The following EFEMP2 variants were observed in gnomAD, a reference collection of about 807,000 sequenced individuals.
EFEMP2 encodes the protein EGF-like fibulin extracellular matrix protein 2, also known as EGF-containing fibulin-like extracellular matrix protein 2.
A neutral mutation model predicts 55.3 loss-of-function variants in EFEMP2; 21 were observed. That is an observed-to-expected ratio of 0.38 (90% CI 0.27 to 0.55). EFEMP2 has a LOEUF of 0.55. Among genes scored for constraint, EFEMP2 ranks in the 20% least tolerant of loss-of-function variants. The probability of loss-of-function intolerance (pLI) is 0.77; values close to 1 mark genes in which losing one functional copy is unlikely to be tolerated. For missense variants in EFEMP2, 513 were observed against 615.1 expected, an observed-to-expected ratio of 0.83 and a Z score of 1.76; for synonymous variants, 275 against 242.3, an observed-to-expected ratio of 1.14 and a Z score of -1.25.
chr11:65,869,688 C>T, intron 7 of EFEMP2, 169 bp downstream of exon 7: 1 of 995,874 alleles, frequency 1.0e-6, no homozygotes, highest in Non-Finnish European at 1.6e-6. Context: ...GCCTCCCCCA[C>T]TAGCCTGGGA....
At position 65,872,259 on chromosome 11, in the gene EFEMP2, C is replaced by T; in HGVS notation, c.96G>A (p.Glu32=). The T allele has an allele frequency of 6.4e-7, 1 of 1,551,600 alleles. No individual in the cohort carries two copies. Among genetic ancestry groups the T allele is most frequent in the Non-Finnish European group, 8.7e-7 (1 of 1,146,942 alleles). ...LGSASPQDSE[E]PDSYTECTDG... ...CTGTCCCCACCGTGTAGCTGTCGGG[C>T]TCTTCAGAATCCTGAGGAGAAGCTG... Residue 32 remains glutamate (E), a synonymous_variant, in exon 2 of 11, where the codon GAG becomes GAA. Transcript: ENST00000307998.
intron 10 of EFEMP2, chr11:65,867,290 T>A: frequency 1.6e-6 from 1 of 613,254 alleles, no homozygotes; most frequent in East Asian, 2.8e-5. Context: ...GCTGGGGCTC[T>A]TCTCACCCTC....
chr11:65,869,417 C>T (rs1034349692), intron 7 of EFEMP2: 2 of 265,812 alleles, frequency 7.5e-6, no homozygotes, highest in Non-Finnish European at 1.5e-5. Context: ...ACTACGAGGG[C>T]AGGTTCTCAT....
At position 65,871,311 on chromosome 11, in the gene EFEMP2, G is replaced by C; in HGVS notation, c.213C>G (p.Cys71Trp). The part of the protein sequence containing the change: ...IPEACKGEMK[C>W]INHYGGYLCL... Reference sequence around the variant, plus strand: ...ACAAGTAGCCCCCGTAGTGGTTGATGCACTTCATTTCCCCCTTGCAGGCCT... The same window carrying C: ...ACAAGTAGCCCCCGTAGTGGTTGATCCACTTCATTTCCCCCTTGCAGGCCT... Residue 71 changes from cysteine to tryptophan, a missense_variant, in exon 4 of 11, where the codon TGC becomes TGG. Physicochemically the swap from Cys to Trp is radical, Grantham distance 215. Transcript: ENST00000307998. 6.2e-7 allele frequency: 1 copy of C among 1,614,200 alleles called. No individual in the cohort carries two copies. Among genetic ancestry groups the C allele is most frequent in the Non-Finnish European group, 8.5e-7 (1 of 1,180,020 alleles).
chr11:65,870,549 C>A lies in EFEMP2; in HGVS notation c.477G>T (p.Gly159=). The A allele has an allele frequency of 1.2e-6, 2 of 1,613,936 alleles. No individual in the cohort carries two copies. Among genetic ancestry groups the A allele is most frequent in the Non-Finnish European group, 1.7e-6 (2 of 1,179,954 alleles). ...TCCTGGACTCACCCACACACTCGGG[C>A]CCGATCTTGCGGTAACCATCAGGGC... is the stretch of plus-strand genomic sequence containing the variant. The part of the protein sequence containing the change: ...CTCPDGYRKI[G]PECVDIDECR... Residue 159 remains glycine, a synonymous_variant, in exon 5 of 11, where the codon GGG becomes GGT. Coordinates refer to ENST00000307998, the MANE Select transcript of EFEMP2 (RefSeq NM_016938.5).
At chr11:65,867,173 G>T in intron 10 of EFEMP2, 94 bp from the exon 11 acceptor site, 1 of 1,523,828 alleles carries the variant, frequency 6.6e-7, no homozygotes, top group Non-Finnish European at 9.0e-7. Flanking sequence ...TGGCCGTGAG[G>T]CAGAGGAACA....
At chr11:65,868,972 G>C in intron 7 of EFEMP2, 1 of 352,506 alleles carries the variant, frequency 2.8e-6, no homozygotes, top group Non-Finnish European at 5.5e-6. Flanking sequence ...TTATGGGTCT[G>C]GCTTGTGCTG....
At chr11:65,872,498 C>T in intron 1 of EFEMP2, 137 bp from the exon 2 acceptor site, 1 of 614,150 alleles carries the variant, frequency 1.6e-6, no homozygotes, top group South Asian at 1.9e-5. Flanking sequence ...GGCTGGGGGC[C>T]GACTCCTCAC....
chr11:65,866,931 G>GC lies in EFEMP2; in HGVS notation c.1318dup (p.Ala440GlyfsTer18). On this transcript the variant is annotated frameshift_variant, in exon 11 of 11. Coordinates refer to ENST00000307998, the MANE Select transcript of EFEMP2 (RefSeq NM_016938.5). LOFTEE classifies it high-confidence loss of function. ...CCCTCCTGCTCCTCAGAAGGTGTAG[G>GC]CCCCTACAAAGACGGTGAGCCTCAG... is the stretch of plus-strand genomic sequence containing the variant. 1 of 1,614,102 alleles carries GC rather than the reference G, an allele frequency of 6.2e-7. No homozygotes were observed. The highest frequency in any genetic ancestry group is 2.2e-5 in the East Asian group (1 of 44,886).
At position 65,872,245 on chromosome 11, in the gene EFEMP2, G is replaced by A. The variant is rs921412303; in HGVS notation, c.110C>T (p.Thr37Met). ...PQDSEEPDSYTECTDGYEWDP... is the reference protein window; with the variant it reads ...PQDSEEPDSYMECTDGYEWDP... ...GCCAGCGGCCCTCACTGTCCCCACC[G>A]TGTAGCTGTCGGGCTCTTCAGAATC... Residue 37 changes from threonine (T) to methionine (M), a missense_variant and splice_region_variant, in exon 2 of 11, where the codon ACG (threonine) becomes ATG (methionine). Coordinates refer to ENST00000307998, the MANE Select transcript of EFEMP2 (RefSeq NM_016938.5). 7.1e-6 allele frequency: 11 copies of A among 1,551,058 alleles called. No individual in the cohort carries two copies. The African/African-American group carries it at 1.1e-4, about 15-fold the overall frequency.
At position 65,871,960 on chromosome 11, in the gene EFEMP2, G is replaced by A; in HGVS notation, c.160+10C>T. The A allele has an allele frequency of 3.2e-6, 5 of 1,551,460 alleles. No homozygotes were observed. The highest frequency in any genetic ancestry group is 4.4e-6 in the Non-Finnish European group (5 of 1,146,896). ...TTCCTGGGGGTGTTTGGTCCCCCAG[G>A]CACACACACCCCGGCAGTGCTGGCT... On this transcript the variant is annotated intron_variant, in intron 3 of 10. Coordinates refer to ENST00000307998, the MANE Select transcript of EFEMP2 (RefSeq NM_016938.5).
At chr11:65,868,223 T>G in intron 9 of EFEMP2, 72 bp downstream of exon 9, 1 of 1,603,694 alleles carries the variant, frequency 6.2e-7, no homozygotes, top group Non-Finnish European at 8.5e-7. Context: ...CTGGTCTGAA[T>G]AGATGCCAGT....
In EFEMP2 at chr11:65,871,972, C is replaced by A; in HGVS notation, c.158G>T (p.Arg53Leu). The A allele has an allele frequency of 6.4e-7, 1 of 1,551,612 alleles. No individual in the cohort carries two copies. Among genetic ancestry groups the A allele is most frequent in the Non-Finnish European group, 8.7e-7 (1 of 1,146,952 alleles). The change falls in exon 3 of 11, where the codon CGG (arginine) becomes CTG (leucine). Residue 53 changes from arginine to leucine, a missense_variant and splice_region_variant. Physicochemically the swap from Arg to Leu is moderately radical, Grantham distance 102 (BLOSUM62 -2). Transcript: ENST00000307998. ...TTTGGTCCCCCAGGCACACACACCCCGGCAGTGCTGGCTGTCTGGGTCCCA... is the reference window on the plus strand; with the variant it reads ...TTTGGTCCCCCAGGCACACACACCCAGGCAGTGCTGGCTGTCTGGGTCCCA... Reference protein sequence around the residue: ...YEWDPDSQHCRDVNECLTIPE... With the variant: ...YEWDPDSQHCLDVNECLTIPE...
intron 10 of EFEMP2, 82 bp downstream of exon 10, chr11:65,867,779 A>C (rs1859882336): frequency 6.7e-7 from 1 of 1,495,348 alleles, no homozygotes; most frequent in South Asian, 1.1e-5. Flanking sequence ...GGGGCATAGC[A>C]GCCTGGCCGA....
chr11:65,870,266 GGAGGGCAGAGGGCA>G, intron 5 of EFEMP2, 29 bp from the exon 6 acceptor site: 17 of 1,594,360 alleles, frequency 1.1e-5, no homozygotes, highest in Non-Finnish European at 1.3e-5. Flanking sequence ...GAAGGAGGGC[GGAGGGCAGAGGGCA>G]GAGGGCAGGT....
chr11:65,867,494 T>C (rs944302614), intron 10 of EFEMP2: 1 of 431,488 alleles, frequency 2.3e-6, no homozygotes, highest in Non-Finnish European at 4.3e-6. Context: ...TGCCAGTCAC[T>C]GTGAGCAGCT....
chr11:65,867,351 T>C, intron 10 of EFEMP2: 1 of 545,712 alleles, frequency 1.8e-6, no homozygotes, highest in Admixed American at 3.1e-5. Context: ...AGGCCACATG[T>C]GGCTCTTGGG....
At position 65,867,042 on chromosome 11, in the gene EFEMP2, C is replaced by T. The variant is rs757637822; in HGVS notation, c.1208G>A (p.Arg403Gln). ...NNVSAMLVLA[R>Q]PVTGPREYVL... is the part of the protein sequence containing the mutation. ...GTACTCCCGGGGGCCCGTCACCGGC[C>T]GGGCGAGGACCAGCATGGCGCTGAC... is the stretch of plus-strand genomic sequence containing the variant. Residue 403 changes from arginine to glutamine, a missense_variant, in exon 11 of 11, where the codon CGG becomes CAG. Arg to Gln is a conservative substitution (Grantham distance 43). Coordinates refer to ENST00000307998, the MANE Select transcript of EFEMP2 (RefSeq NM_016938.5). 12 of 1,614,182 alleles carry T rather than the reference C, an allele frequency of 7.4e-6. No homozygotes were observed. Among genetic ancestry groups the T allele is most frequent in the Middle Eastern group, 1.6e-4 (1 of 6,062 alleles).
chr11:65,870,669 C>G lies in EFEMP2; in HGVS notation c.368-11G>C. On this transcript the variant is annotated splice_polypyrimidine_tract_variant and intron_variant, in intron 4 of 10. Coordinates refer to ENST00000307998, the MANE Select transcript of EFEMP2 (RefSeq NM_016938.5). ...CACACTCGTCCACATCTGCGAGAGA[C>G]ACCACTCAGCCCCTGCCTGGGATCC... 6.2e-7 allele frequency: 1 copy of G among 1,613,920 alleles called. No individual in the cohort carries two copies. The highest frequency in any genetic ancestry group is 8.5e-7 in the Non-Finnish European group (1 of 1,179,998).
Sources: allele counts gnomAD v4.1 joint callset, GRCh38; gene constraint gnomAD v4.1.1; transcripts MANE v1.5; gene names NCBI Gene and HGNC (gene_info 2026-07-23, HGNC 2026-07-21).